RPTOR: variants seen among roughly 807,000 people sequenced by gnomAD.
RPTOR encodes regulatory associated protein of MTOR complex 1.
Under a neutral mutation model 169.9 loss-of-function variants are expected in RPTOR, and 21 were observed. That is an observed-to-expected ratio of 0.12 (90% CI 0.09 to 0.18). The LOEUF is 0.18. Ranked by LOEUF, RPTOR falls within the 10% of genes least tolerant of loss-of-function variation. The probability of loss-of-function intolerance (pLI) is 1.00; values close to 1 mark genes in which losing one functional copy is unlikely to be tolerated. For synonymous variants in RPTOR, 732 were observed against 753.2 expected, an observed-to-expected ratio of 0.97 and a Z score of 0.46; for missense variants, 1,133 against 1,855.9, an observed-to-expected ratio of 0.61 and a Z score of 7.16.
At chr17:80,625,533 T>C (rs571980609) in intron 1 of RPTOR, among the ~76,000 whole-genome samples, 158 bp from the exon 2 acceptor site, 224 of 152,262 alleles carry the variant, frequency 1.5e-3, no homozygotes, top group African/African-American at 5.1e-3. Context: ...ACTCCTGCAC[T>C]AGGGCTGGGG....
intron 3 of RPTOR, among the ~76,000 whole-genome samples, chr17:80,668,826 C>T (rs1036331717): frequency 3.3e-5 from 5 of 152,222 alleles, no homozygotes; most frequent in African/African-American, 7.2e-5. Context: ...TGTCCGCATT[C>T]GGGTTTGAGC....
intron 3 of RPTOR, among the ~76,000 whole-genome samples, chr17:80,678,525 A>G (rs1030219255): frequency 9.2e-5 from 14 of 152,386 alleles, no homozygotes; most frequent in African/African-American, 3.4e-4. Context: ...ATGGTCGGGC[A>G]TGTTGGGTTA....
At chr17:80,757,827 T>C (rs2066696278) in intron 6 of RPTOR, among the ~76,000 whole-genome samples, 1 of 152,110 alleles carries the variant, frequency 6.6e-6, no homozygotes, top group Admixed American at 6.5e-5. Flanking sequence ...CGGCCTCCTA[T>C]GCGCCCCTCA....
At chr17:80,762,654 TA>T (rs937516458) in intron 6 of RPTOR, among the ~76,000 whole-genome samples, 3 of 152,116 alleles carry the variant, frequency 2.0e-5, no homozygotes, top group Admixed American at 6.5e-5. Context: ...GCATTAAGTA[TA>T]AAAAATATAA....
chr17:80,636,638 C>T (rs936610194), intron 2 of RPTOR, among the ~76,000 whole-genome samples: 3 of 152,164 alleles, frequency 2.0e-5, no homozygotes, highest in Non-Finnish European at 4.4e-5. Flanking sequence ...ATTGGGCTTC[C>T]GTTCCAACAC....
chr17:80,775,219 T>G (rs527864452), intron 6 of RPTOR, among the ~76,000 whole-genome samples: 1 of 152,380 alleles, frequency 6.6e-6, no homozygotes, highest in East Asian at 1.9e-4. Flanking sequence ...CCATTTTCTC[T>G]GTGCTGTTTT....
At chr17:80,956,609 T>A (rs1022604562) in intron 28 of RPTOR, among the ~76,000 whole-genome samples, 11 of 152,270 alleles carry the variant, frequency 7.2e-5, no homozygotes, top group Admixed American at 3.9e-4. Context: ...ACAGCCTTCC[T>A]AAAGTCACCC....
intron 13 of RPTOR, among the ~76,000 whole-genome samples, chr17:80,874,268 C>T (rs1445763627): frequency 2.6e-5 from 4 of 151,586 alleles, no homozygotes; most frequent in Non-Finnish European, 5.9e-5. Context: ...ATGATCTCAG[C>T]TCACTGCAAC....
At chr17:80,742,694 CACAT>C (rs1049695633) in intron 5 of RPTOR, among the ~76,000 whole-genome samples, 2 of 151,844 alleles carry the variant, frequency 1.3e-5, no homozygotes, top group African/African-American at 4.8e-5. Flanking sequence ...CACAGAGACA[CACAT>C]AGACACCATA....
chr17:80,826,549 C>T (rs2067445947), intron 9 of RPTOR, among the ~76,000 whole-genome samples: 1 of 152,272 alleles, frequency 6.6e-6, no homozygotes, highest in African/African-American at 2.4e-5. Context: ...GCGGAGTGAA[C>T]TGTGTTCATG....
chr17:80,886,871 G>A lies in RPTOR; in HGVS notation c.1983+1723G>A, dbSNP rs541218522. The stretch of plus-strand genomic sequence containing the variant: ...AGGGGGATGACAGCCCCTGCCCTCC[G>A]GGAGCACGTGGTCTAATCAAAGAGG... On this transcript the variant is annotated intron_variant, in intron 17 of 33. Coordinates refer to ENST00000306801, the MANE Select transcript of RPTOR (RefSeq NM_020761.3). Among the ~76,000 whole-genome samples the A allele has an allele frequency of 1.8e-4, 28 of 152,342 alleles. No individual in the cohort carries two copies. The South Asian group carries it at 4.1e-3, about 23-fold the overall frequency.
chr17:80,907,299 G>A (rs2068555931), intron 20 of RPTOR, among the ~76,000 whole-genome samples: 1 of 152,274 alleles, frequency 6.6e-6, no homozygotes, highest in Admixed American at 6.5e-5. Flanking sequence ...AGAAGATGGA[G>A]TTCTGTGTGG....
rs998956605 is a variant in RPTOR, at chr17:80,659,741, G to A, written c.348+15931G>A. 5.2e-4 allele frequency among the ~76,000 whole-genome samples: 79 copies of A among 152,130 alleles called. No homozygotes were observed. Among genetic ancestry groups the A allele is most frequent in the African/African-American group, 1.9e-3 (77 of 41,514 alleles). ...AGGCTGGTCTCAACCTCTTGACCTC[G>A]TGATCCGCCCCTTGGTCTCCCAAAG... On this transcript the variant is annotated intron_variant, in intron 3 of 33. Transcript: ENST00000306801. The surrounding 1 kb of genome is among the most constrained non-coding windows in gnomAD (Gnocchi z 4.3).
At chr17:80,786,244 G>A (rs566521791) in intron 6 of RPTOR, among the ~76,000 whole-genome samples, 1 of 152,230 alleles carries the variant, frequency 6.6e-6, no homozygotes, top group South Asian at 2.1e-4. Context: ...ATTCAGTGTT[G>A]TGTAAAAGAT....
In RPTOR at chr17:80,695,210, A is replaced by C. The variant is rs991838157; in HGVS notation, c.349-12631A>C. On this transcript the variant is annotated intron_variant, in intron 3 of 33. Transcript: ENST00000306801. The surrounding 1 kb of genome is among the most constrained non-coding windows in gnomAD (Gnocchi z 4.9). The stretch of plus-strand genomic sequence containing the variant: ...TGTGCCCAAGACAGAGGCTGCCCCG[A>C]CCCGTGCTGTGCGGGTCACTCACCC... Among the ~76,000 whole-genome samples, 2 of 151,774 alleles carry C rather than the reference A, an allele frequency of 1.3e-5. No homozygotes were observed. Among genetic ancestry groups the C allele is most frequent in the African/African-American group, 4.8e-5 (2 of 41,258 alleles).
At chr17:80,791,979 G>A (rs1027366213) in intron 7 of RPTOR, among the ~76,000 whole-genome samples, 1 of 152,116 alleles carries the variant, frequency 6.6e-6, no homozygotes, top group African/African-American at 2.4e-5. Context: ...GAGCGATGAA[G>A]TGACGGGATT....
At chr17:80,551,778 G>A (rs1394990721) in intron 1 of RPTOR, among the ~76,000 whole-genome samples, 1 of 152,048 alleles carries the variant, frequency 6.6e-6, no homozygotes, top group Middle Eastern at 3.2e-3. Flanking sequence ...GCTGGGGGAC[G>A]GTCAGGTCTT....
intron 1 of RPTOR, among the ~76,000 whole-genome samples, chr17:80,608,528 G>A (rs904453980): frequency 2.0e-5 from 3 of 152,122 alleles, no homozygotes; most frequent in African/African-American, 7.2e-5. Context: ...AGTAGGTGGC[G>A]GTGGGGGTAT....
Position 80,726,446 on chromosome 17 carries a change from A to C in RPTOR, c.508-4114A>C, listed in dbSNP as rs907858476. On this transcript the variant is annotated intron_variant, in intron 4 of 33. Coordinates refer to ENST00000306801, the MANE Select transcript of RPTOR (RefSeq NM_020761.3). The surrounding 1 kb of genome is among the most constrained non-coding windows in gnomAD (Gnocchi z 4.5). ...CAGCAGTACCTCATGGTTATGACGG[A>C]TCATCTTCCTGAACTTTGCATCTCA... is the stretch of plus-strand genomic sequence containing the variant. 1.3e-5 allele frequency among the ~76,000 whole-genome samples: 2 copies of C among 150,766 alleles called. No homozygotes were observed. Among genetic ancestry groups the C allele is most frequent in the Admixed American group, 1.3e-4 (2 of 15,114 alleles).
Sources: allele counts gnomAD v4.1 joint callset (sites outside exome capture counted in the v4.1 genomes callset), GRCh38; gene constraint gnomAD v4.1.1; non-coding constraint Gnocchi (gnomAD v3.1); transcripts MANE v1.5; gene names NCBI Gene and HGNC (gene_info 2026-07-23, HGNC 2026-07-21).